Variants in PCDHA6 observed in about 807,000 individuals in gnomAD.
The protein encoded by PCDHA6 is protocadherin alpha-6.
Under a neutral mutation model 60.3 loss-of-function variants are expected in PCDHA6, and 55 were observed. That is an observed-to-expected ratio of 0.91 (90% CI 0.73 to 1.14). The LOEUF (loss-of-function observed/expected upper bound fraction) is 1.14. Among genes scored for constraint, PCDHA6 ranks in the 50% most tolerant of loss-of-function variants. The probability of loss-of-function intolerance (pLI) is 0.00; values close to 1 mark genes in which losing one functional copy is unlikely to be tolerated. For missense variants in PCDHA6, 1,327 were observed against 1,256.5 expected, an observed-to-expected ratio of 1.06 and a Z score of -0.85; for synonymous variants, 652 against 557.9, an observed-to-expected ratio of 1.17 and a Z score of -2.38.
intron 1 of PCDHA6, among the ~76,000 whole-genome samples, chr5:140,943,257 CAAAAAAAAAAA>C (rs1238620023): frequency 1.3e-5 from 1 of 77,574 alleles, no homozygotes. Flanking sequence ...GACTCTGTCT[CAAAAAAAAAAA>C]AAAAAAAAAG....
intron 1 of PCDHA6, chr5:140,929,236 A>C (rs782440521): frequency 3.1e-6 from 5 of 1,613,890 alleles, no homozygotes; most frequent in Non-Finnish European, 3.4e-6. Flanking sequence ...CGACCTGCGA[A>C]ATCTTGCCAC....
chr5:140,882,143 C>A, intron 1 of PCDHA6: 2 of 1,494,048 alleles, frequency 1.3e-6, no homozygotes, highest in Admixed American at 2.3e-5. Context: ...GAAAATATAG[C>A]AGAAAGCGGA....
At chr5:140,845,504 C>T (rs1210471805) in intron 1 of PCDHA6, among the ~76,000 whole-genome samples, 1 of 149,510 alleles carries the variant, frequency 6.7e-6, no homozygotes, top group Non-Finnish European at 1.5e-5. Flanking sequence ...AAGTCTAAAC[C>T]TATTTCTTGT....
rs1312920640 is a variant in PCDHA6, at chr5:140,836,835, CT to C, written c.2394+6353del. ...TCATAATTTCTTTTTTAGTTGATAG[CT>C]TTATGTATAATTATTATTTTTTAAT... is the stretch of plus-strand genomic sequence containing the variant. On this transcript the variant is annotated intron_variant, in intron 1 of 3. Transcript: ENST00000529310. 2.4e-5 allele frequency: 21 copies of C among 878,886 alleles called. No individual in the cohort carries two copies. The African/African-American group carries it at 3.6e-4, about 15-fold the overall frequency. The allele number at this position is 878,886 out of a possible 1,614,324, so 54.4% of individuals were successfully genotyped here. A position where few individuals can be genotyped will look rare whatever the true frequency, so the allele number is the denominator to read the frequency against.
At position 140,843,090 on chromosome 5, in the gene PCDHA6, T is replaced by A; in HGVS notation, c.2394+12605T>A. The A allele has an allele frequency of 2.5e-6, 4 of 1,595,448 alleles. 1 individual carries two copies. The highest frequency in any genetic ancestry group is 3.4e-6 in the Non-Finnish European group (4 of 1,165,354). ...CCGCGGTCTGTGGGCGCGGGCCACGTGGTAGCGAAGGTGCGCGCAGTGGAC... is the reference window on the plus strand; with the variant it reads ...CCGCGGTCTGTGGGCGCGGGCCACGAGGTAGCGAAGGTGCGCGCAGTGGAC... On this transcript the variant is annotated intron_variant, in intron 1 of 3. Transcript: ENST00000529310.
chr5:140,846,590 G>A (rs1780577373), intron 1 of PCDHA6, among the ~76,000 whole-genome samples: 1 of 148,312 alleles, frequency 6.7e-6, no homozygotes, highest in African/African-American at 2.5e-5. Context: ...TAGCCAGGAT[G>A]GTCTCGATCT....
chr5:140,847,846 ACT>A (rs2150404625), intron 1 of PCDHA6: 1 of 149,820 alleles, frequency 6.7e-6, no homozygotes, highest in Non-Finnish European at 1.5e-5. Flanking sequence ...GTTGGTTGCT[ACT>A]TTTTGTTGAT....
At position 140,828,207 on chromosome 5, in the gene PCDHA6, C is replaced by A. The variant is rs1769609355; in HGVS notation, c.116C>A (p.Ala39Asp). 6 of 1,614,008 alleles carry A rather than the reference C, an allele frequency of 3.7e-6. No homozygotes were observed. The highest frequency in any genetic ancestry group is 1.1e-5 in the South Asian group (1 of 91,066). ...CTCCACTACTCCGTACCCGAGGAGG[C>A]CAAACACGGCACCTTCGTGGGCCGG... ...GQLHYSVPEE[A>D]KHGTFVGRIA... Residue 39 changes from alanine to aspartate, a missense_variant, in exon 1 of 4, where the codon GCC becomes GAC. Coordinates refer to ENST00000529310, the MANE Select transcript of PCDHA6 (RefSeq NM_018909.4).
At chr5:141,004,657 G>A (rs565994909) in intron 3 of PCDHA6, among the ~76,000 whole-genome samples, 1 of 152,262 alleles carries the variant, frequency 6.6e-6, no homozygotes, top group Admixed American at 6.5e-5. Context: ...TGGGCTCTGA[G>A]GGCAACTAAA....
chr5:140,929,517 A>G, intron 1 of PCDHA6: 1 of 761,634 alleles, frequency 1.3e-6, no homozygotes, highest in Non-Finnish European at 1.9e-6. Context: ...CAAGGGACTT[A>G]TAGTTTATTT....
chr5:140,863,572 A>T (rs2048074367), intron 1 of PCDHA6: 1 of 368,290 alleles, frequency 2.7e-6, no homozygotes, highest in African/African-American at 2.1e-5. Flanking sequence ...GAATATAAGT[A>T]CTGTAATCCT....
intron 1 of PCDHA6, chr5:140,849,720 C>T (rs1184011333): frequency 1.3e-6 from 2 of 1,598,576 alleles, no homozygotes; most frequent in Admixed American, 1.7e-5. Context: ...CTCGTTGGTG[C>T]TGGACAGAGC....
At chr5:140,870,912 C>A in intron 1 of PCDHA6, 1 of 1,613,952 alleles carries the variant, frequency 6.2e-7, no homozygotes, top group South Asian at 1.1e-5. Context: ...CAGGCTACAA[C>A]GCGTGGCTTT....
intron 1 of PCDHA6, among the ~76,000 whole-genome samples, chr5:140,833,594 G>T (rs2150209670): frequency 4.6e-5 from 7 of 152,162 alleles, no homozygotes; most frequent in Non-Finnish European, 7.4e-5. Context: ...AGTATATATA[G>T]ATTCTGCTAA....
intron 1 of PCDHA6, among the ~76,000 whole-genome samples, chr5:140,837,757 A>G (rs1220991667): frequency 6.6e-6 from 1 of 151,692 alleles, no homozygotes; most frequent in Non-Finnish European, 1.5e-5. Flanking sequence ...GCCCACTGCA[A>G]CCTGAAAGTC....
intron 1 of PCDHA6, chr5:140,870,868 G>A (rs550915753): frequency 1.2e-6 from 2 of 1,613,944 alleles, no homozygotes; most frequent in Non-Finnish European, 1.7e-6. Flanking sequence ...TGCGGGCCAC[G>A]TGGTGGCGAA....
At chr5:140,966,659 G>C in intron 1 of PCDHA6, 5 of 1,217,658 alleles carry the variant, frequency 4.1e-6, no homozygotes, top group Non-Finnish European at 5.3e-6. Context: ...AGCGGTGGGG[G>C]AGCAGGCGCA....
rs1769616789 is a variant in PCDHA6, at chr5:140,828,216, G to A, written c.125G>A (p.Gly42Asp). ...TCCGTACCCGAGGAGGCCAAACACG[G>A]CACCTTCGTGGGCCGGATCGCGCAG... ...HYSVPEEAKH[G>D]TFVGRIAQDL... The change falls in exon 1 of 4, where the codon GGC (glycine) becomes GAC (aspartate). Residue 42 changes from glycine to aspartate, a missense_variant. By Grantham distance (94) the Gly-to-Asp change is moderately conservative. Transcript: ENST00000529310. The A allele has an allele frequency of 3.1e-6, 5 of 1,614,022 alleles. No individual in the cohort carries two copies. The East Asian group carries it at 1.1e-4, about 36-fold the overall frequency.
rs149166530 is a variant in PCDHA6, at chr5:140,990,443, A to G, written c.2542+7880A>G. Among the ~76,000 whole-genome samples the G allele has an allele frequency of 8.3e-4, 127 of 152,344 alleles. 2 individuals carry two copies. The East Asian group carries it at 0.024, about 29-fold the overall frequency. On this transcript the variant is annotated intron_variant, in intron 3 of 3. Transcript: ENST00000529310. ...CCAGCATTGACCCAATCTTGTGTCC[A>G]GAGCTGTTGCTGTAGGTGGTATCAT...
Sources: allele counts gnomAD v4.1 joint callset (sites outside exome capture counted in the v4.1 genomes callset), GRCh38; gene constraint gnomAD v4.1.1; transcripts MANE v1.5; gene names NCBI Gene and HGNC (gene_info 2026-07-23, HGNC 2026-07-21).